RBM19: variants seen among roughly 807,000 people sequenced by gnomAD.
The protein encoded by RBM19 is probable RNA-binding protein 19.
In RBM19, 94 loss-of-function variants were observed where a neutral mutation model predicts 116.8. The observed-to-expected ratio is 0.80, with a 90% CI of 0.68 to 0.95. RBM19 has a LOEUF of 0.95. RBM19 is among the 40% of genes least tolerant of loss of function. The pLI, the probability that RBM19 is intolerant of heterozygous loss-of-function variation, is 0.00. For missense variants in RBM19, 1,161 were observed against 1,220.7 expected (o/e 0.95, Z 0.73); for synonymous variants, 475 against 494.1 (o/e 0.96, Z 0.51).
At chr12:113,837,897 C>T (rs1391290384) in intron 23 of RBM19, among the ~76,000 whole-genome samples, 1 of 152,240 alleles carries the variant, frequency 6.6e-6, no homozygotes, top group Non-Finnish European at 1.5e-5. Context: ...AATGTTACCA[C>T]AGGCATTAGC....
intron 16 of RBM19, among the ~76,000 whole-genome samples, chr12:113,929,132 C>T (rs1164173404): frequency 1.3e-5 from 2 of 152,176 alleles, no homozygotes; most frequent in Non-Finnish European, 2.9e-5. Flanking sequence ...CCTTCACTTG[C>T]ATAGTTCAAA....
At chr12:113,817,459 G>A (rs1210430414), downstream of RBM19, 1 of 152,342 alleles carries the variant, frequency 6.6e-6, no homozygotes, top group Non-Finnish European at 1.5e-5. Context: ...CCTCTGCAGA[G>A]TGGGCCCGGC....
At chr12:113,861,900 G>A (rs1878432532) in intron 21 of RBM19, among the ~76,000 whole-genome samples, 1 of 152,050 alleles carries the variant, frequency 6.6e-6, no homozygotes, top group African/African-American at 2.4e-5. Flanking sequence ...TGTGGTTGGG[G>A]GTTTCCAGGC....
At position 113,831,731 on chromosome 12, in the gene RBM19, G is replaced by A. The variant is rs569784580; in HGVS notation, c.2786-8410C>T. ...TTGGGAGCAAGTACCTTCCCCACAC[G>A]GACAGCCGCTCCCGGGGGAAGGGGA... is the stretch of plus-strand genomic sequence containing the variant. On this transcript the variant is annotated intron_variant, in intron 23 of 23. Coordinates refer to ENST00000261741, the MANE Select transcript of RBM19 (RefSeq NM_016196.4). Among the ~76,000 whole-genome samples the A allele has an allele frequency of 6.6e-5, 10 of 152,326 alleles. No homozygotes were observed. The South Asian group carries it at 1.7e-3, about 25-fold the overall frequency.
intron 16 of RBM19, 123 bp from the exon 17 acceptor site, chr12:113,927,352 G>C: frequency 2.4e-6 from 3 of 1,230,470 alleles, no homozygotes; most frequent in Non-Finnish European, 3.3e-6. Flanking sequence ...CTGCCTCTGC[G>C]GGCAGTGGCA....
chr12:113,863,911 C>T (rs909719707), intron 21 of RBM19, among the ~76,000 whole-genome samples: 6 of 152,234 alleles, frequency 3.9e-5, no homozygotes, highest in Admixed American at 1.3e-4. Flanking sequence ...CATACACGCA[C>T]ATCTGTCCAT....
intron 21 of RBM19, among the ~76,000 whole-genome samples, chr12:113,912,668 C>G (rs1047652980): frequency 6.6e-6 from 1 of 152,224 alleles, no homozygotes; most frequent in East Asian, 1.9e-4. Flanking sequence ...AAGCTCAGAG[C>G]CCCGCACACA....
At chr12:113,897,186 T>G (rs1380130383) in intron 21 of RBM19, among the ~76,000 whole-genome samples, 1 of 152,240 alleles carries the variant, frequency 6.6e-6, no homozygotes, top group East Asian at 1.9e-4. Flanking sequence ...TTTTATTTTT[T>G]GAGATAGAGT....
rs545866731 is a variant in RBM19, at chr12:113,918,529, C to G, written c.2386-82G>C. The G allele has an allele frequency of 1.8e-5, 26 of 1,466,686 alleles. 1 individual carries two copies. The South Asian group carries it at 2.8e-4, about 16-fold the overall frequency. 90.9% of individuals were successfully genotyped at this position (1,466,686 alleles called of 1,614,324 possible). On this transcript the variant is annotated intron_variant, in intron 19 of 23. Coordinates refer to ENST00000261741, the MANE Select transcript of RBM19 (RefSeq NM_016196.4). ...CCTTGCCCTTCACCAGAGCAGAGCC[C>G]TGGCTCGCAGATGGGAGCCTGATTG...
Position 113,823,132 on chromosome 12 carries a change from C to T in RBM19, c.*92G>A, listed in dbSNP as rs905474249. ...TGGGGCCGCCTGCCGCTCCCCGCCC[C>T]GCCCCCCAGCCCACATGGTGGTGAG... is the stretch of plus-strand genomic sequence containing the variant. On this transcript the variant is annotated 3_prime_UTR_variant, in exon 24 of 24. Transcript: ENST00000261741. 2.6e-5 allele frequency: 33 copies of T among 1,245,314 alleles called. No homozygotes were observed. Among genetic ancestry groups the T allele is most frequent in the African/African-American group, 1.2e-4 (8 of 66,708 alleles). 77.1% of individuals were successfully genotyped at this position (1,245,314 alleles called of 1,614,324 possible). A position where few individuals can be genotyped will look rare whatever the true frequency, so the allele number is the denominator to read the frequency against.
intron 21 of RBM19, among the ~76,000 whole-genome samples, chr12:113,896,379 G>A (rs1881326925): frequency 6.6e-6 from 1 of 152,208 alleles, no homozygotes; most frequent in Non-Finnish European, 1.5e-5. Context: ...GGGCTCGGGG[G>A]CATGTCCGCC....
rs201557467 is a variant in RBM19, at chr12:113,955,260, C to G, written c.841-49G>C. On this transcript the variant is annotated intron_variant, in intron 6 of 23. Transcript: ENST00000261741. Reference sequence around the variant, plus strand: ...GAAGTGGCCACACTAACCCTTCGTACAGCTGCAGGAGGTGGCACACTGGGA... The same window carrying G: ...GAAGTGGCCACACTAACCCTTCGTAGAGCTGCAGGAGGTGGCACACTGGGA... 5.1e-5 allele frequency: 79 copies of G among 1,560,640 alleles called. No homozygotes were observed. In the African/African-American group the frequency reaches 6.5e-4, roughly 13 times the overall value.
chr12:113,928,625 A>ATGTATGTGTGTGTG (rs71443066), intron 16 of RBM19, among the ~76,000 whole-genome samples: 3 of 120,334 alleles, frequency 2.5e-5, no homozygotes, highest in African/African-American at 9.1e-5. Context: ...TTAGCAAGGG[A>ATGTATGTGTGTGTG]TGTGTGTGTG....
At chr12:113,901,948 T>TA (rs1454851574) in intron 21 of RBM19, among the ~76,000 whole-genome samples, 1 of 152,182 alleles carries the variant, frequency 6.6e-6, no homozygotes, top group Non-Finnish European at 1.5e-5. Context: ...TATTCACTTT[T>TA]AAAAAACCTT....
At chr12:113,862,703 A>G (rs1454433257) in intron 21 of RBM19, among the ~76,000 whole-genome samples, 1 of 151,360 alleles carries the variant, frequency 6.6e-6, no homozygotes, top group Non-Finnish European at 1.5e-5. Flanking sequence ...GCACCCAGGA[A>G]CTCCTCCCTG....
rs536875857 is a variant in RBM19 at position 113,863,821 on chromosome 12, G to GA, written c.2559-4926dup. Reference sequence around the variant, plus strand: ...CTTCTTCTGCTCCTTCTAGAGGTAAGAAAAAATAGCTCAATCTCTTGGCAT... The same window carrying GA: ...CTTCTTCTGCTCCTTCTAGAGGTAAGAAAAAAATAGCTCAATCTCTTGGCAT... On this transcript the variant is annotated intron_variant, in intron 21 of 23. Transcript: ENST00000261741. 2.6e-4 allele frequency among the ~76,000 whole-genome samples: 40 copies of GA among 152,302 alleles called. No homozygotes were observed. The South Asian group carries it at 2.7e-3, about 10-fold the overall frequency.
At chr12:113,900,329 C>G (rs1191609231) in intron 21 of RBM19, among the ~76,000 whole-genome samples, 1 of 152,220 alleles carries the variant, frequency 6.6e-6, no homozygotes, top group East Asian at 1.9e-4. Flanking sequence ...ATGACATACT[C>G]TTAGTCAAGT....
chr12:113,888,390 A>C (rs1049227047), intron 21 of RBM19, among the ~76,000 whole-genome samples: 16 of 152,200 alleles, frequency 1.1e-4, no homozygotes, highest in African/African-American at 3.9e-4. Flanking sequence ...GACTGGCTTT[A>C]AACCTTGACC....
In RBM19 at chr12:113,823,571, G is replaced by A. The variant is rs148520785; in HGVS notation, c.2786-250C>T. ...TAAGGAGTAGGGGAGAGAATCAAAG[G>A]GGAAATGAGGAGGAGAGAGAAACAC... On this transcript the variant is annotated intron_variant, in intron 23 of 23. Coordinates refer to ENST00000261741, the MANE Select transcript of RBM19 (RefSeq NM_016196.4). 5.0e-4 allele frequency among the ~76,000 whole-genome samples: 76 copies of A among 152,102 alleles called. No homozygotes were observed. In the South Asian group the frequency reaches 0.015, roughly 31 times the overall value.
Sources: allele counts gnomAD v4.1 joint callset (sites outside exome capture counted in the v4.1 genomes callset), GRCh38; gene constraint gnomAD v4.1.1; transcripts MANE v1.5; gene names NCBI Gene and HGNC (gene_info 2026-07-23, HGNC 2026-07-21).